Variants in COL25A1 observed in about 807,000 individuals in gnomAD.
The protein encoded by COL25A1 is collagen type XXV alpha 1 chain.
Under a neutral mutation model 128.4 loss-of-function variants are expected in COL25A1, and 103 were observed. The observed-to-expected ratio is 0.80, with a 90% CI of 0.68 to 0.94. The LOEUF (loss-of-function observed/expected upper bound fraction) is 0.94, where lower values mean the gene tolerates loss of function less well. COL25A1 is among the 40% of genes least tolerant of loss of function. The pLI, the probability that COL25A1 is intolerant of heterozygous loss-of-function variation, is 0.00. For missense variants in COL25A1, 745 were observed against 840.0 expected (o/e 0.89, Z 1.40); for synonymous variants, 279 against 277.2 (o/e 1.01, Z -0.06).
rs540808241 is a variant in COL25A1 at position 109,175,565 on chromosome 4, G to A, written c.367+125018C>T. 1.7e-3 allele frequency among the ~76,000 whole-genome samples: 265 copies of A among 152,234 alleles called. 1 individual carries two copies. Among genetic ancestry groups the A allele is most frequent in the Admixed American group, 5.0e-3 (77 of 15,280 alleles). On this transcript the variant is annotated intron_variant, in intron 3 of 37. Coordinates refer to ENST00000399132, the MANE Select transcript of COL25A1 (RefSeq NM_198721.4). The stretch of plus-strand genomic sequence containing the variant: ...CCCCTCACTGTTTTCATGATTAAAT[G>A]TTTCTCTACTGGTACATTAAGTCAA...
At chr4:109,023,585 G>A (rs981652122) in intron 5 of COL25A1, among the ~76,000 whole-genome samples, 1 of 152,158 alleles carries the variant, frequency 6.6e-6, no homozygotes, top group South Asian at 2.1e-4. Context: ...AAGTAAAGAA[G>A]TTGAGGCAGA....
chr4:109,109,634 G>A (rs1766803215), intron 3 of COL25A1, among the ~76,000 whole-genome samples: 1 of 152,170 alleles, frequency 6.6e-6, no homozygotes, highest in South Asian at 2.1e-4. Context: ...CCCTTTTACG[G>A]TTCATGGTTG....
At chr4:109,070,851 C>T (rs1365806479) in intron 3 of COL25A1, among the ~76,000 whole-genome samples, 1 of 152,102 alleles carries the variant, frequency 6.6e-6, no homozygotes, top group Admixed American at 6.6e-5. Context: ...CACGTCCCAA[C>T]AAAGGACACG....
chr4:108,923,025 A>C (rs1411838888), intron 11 of COL25A1, among the ~76,000 whole-genome samples: 3 of 152,050 alleles, frequency 2.0e-5, no homozygotes, highest in African/African-American at 4.8e-5. Context: ...GCAGACAGAC[A>C]CACACACACA....
intron 16 of COL25A1, among the ~76,000 whole-genome samples, chr4:108,891,945 G>A (rs977617136): frequency 6.6e-5 from 10 of 151,872 alleles, no homozygotes; most frequent in Admixed American, 5.9e-4. Flanking sequence ...ATATATTTGT[G>A]GAAATCTGAG....
At chr4:109,047,728 CTTTTT>C (rs59105153) in intron 5 of COL25A1, among the ~76,000 whole-genome samples, 1,676 of 132,172 alleles carry the variant, frequency 0.013, 40 homozygotes, top group Non-Finnish European at 0.019. Context: ...TAAGTATACT[CTTTTT>C]TTTTTTTTTT....
At chr4:109,245,070 C>T (rs1247431970) in intron 3 of COL25A1, among the ~76,000 whole-genome samples, 1 of 152,138 alleles carries the variant, frequency 6.6e-6, no homozygotes, top group Non-Finnish European at 1.5e-5. Context: ...AGTTCAGCTT[C>T]TGTCATAACT....
In COL25A1 at chr4:109,272,988, G is replaced by A. The variant is rs568514155; in HGVS notation, c.367+27595C>T. ...ATCCAAAAAGCAATGGTGAAGGAAT[G>A]GAGGTATTTAAGCATTATATAACAT... On this transcript the variant is annotated intron_variant, in intron 3 of 37. Coordinates refer to ENST00000399132, the MANE Select transcript of COL25A1 (RefSeq NM_198721.4). 2.6e-5 allele frequency among the ~76,000 whole-genome samples: 4 copies of A among 152,244 alleles called. No individual in the cohort carries two copies. In the East Asian group the frequency reaches 7.7e-4, roughly 29 times the overall value.
chr4:109,049,089 C>T (rs989445714), intron 4 of COL25A1, among the ~76,000 whole-genome samples: 2 of 151,972 alleles, frequency 1.3e-5, no homozygotes, highest in Admixed American at 1.3e-4. Context: ...ATGCTTTTTA[C>T]TTTTACATCT....
chr4:109,034,495 G>A (rs794146), intron 5 of COL25A1, among the ~76,000 whole-genome samples: 12 of 152,174 alleles, frequency 7.9e-5, no homozygotes, highest in African/African-American at 2.7e-4. Flanking sequence ...CATCACTGCA[G>A]AGTGGTTCTG....
chr4:109,088,115 C>A (rs1764571794), intron 3 of COL25A1, among the ~76,000 whole-genome samples: 1 of 151,496 alleles, frequency 6.6e-6, no homozygotes, highest in African/African-American at 2.4e-5. Flanking sequence ...CATAGAAAGG[C>A]ATATTTTATG....
At chr4:109,128,128 A>C (rs1768808570) in intron 3 of COL25A1, among the ~76,000 whole-genome samples, 1 of 152,188 alleles carries the variant, frequency 6.6e-6, no homozygotes, top group African/African-American at 2.4e-5. Context: ...ACAATAGCCA[A>C]GGAAGTTAGA....
chr4:108,975,347 T>C (rs1480572271), intron 6 of COL25A1, among the ~76,000 whole-genome samples: 1 of 152,164 alleles, frequency 6.6e-6, no homozygotes. Flanking sequence ...TCCCAGCTAC[T>C]TGGGAGGCTG....
Position 109,085,409 on chromosome 4 carries a change from G to A in COL25A1, c.368-35230C>T, listed in dbSNP as rs148288138. ...TCCCTTTCTCTCTTGTCTATTCTGC[G>A]ATATATCTTGCACTCATTCTTCCTT... On this transcript the variant is annotated intron_variant, in intron 3 of 37. Transcript: ENST00000399132. Among the ~76,000 whole-genome samples the A allele has an allele frequency of 2.2e-3, 331 of 152,152 alleles. 3 individuals are homozygous for A. Among genetic ancestry groups the A allele is most frequent in the African/African-American group, 7.4e-3 (305 of 41,490 alleles).
chr4:109,026,096 C>G (rs554758180), intron 5 of COL25A1, among the ~76,000 whole-genome samples: 10 of 118,654 alleles, frequency 8.4e-5, no homozygotes, highest in Admixed American at 2.3e-4. Context: ...ATATAAAACA[C>G]TTTGCACACA....
intron 3 of COL25A1, among the ~76,000 whole-genome samples, chr4:109,158,943 C>G (rs1772291669): frequency 6.6e-6 from 1 of 151,996 alleles, no homozygotes; most frequent in South Asian, 2.1e-4. Context: ...TTAATAAAGG[C>G]TTTGCCTGCC....
At chr4:109,088,585 C>T (rs1264032729) in intron 3 of COL25A1, among the ~76,000 whole-genome samples, 9 of 152,082 alleles carry the variant, frequency 5.9e-5, no homozygotes, top group Non-Finnish European at 1.0e-4. Context: ...AACACAGTGC[C>T]TATGAAGCAG....
chr4:109,271,106 C>G (rs1056512841), intron 3 of COL25A1, among the ~76,000 whole-genome samples: 2 of 152,196 alleles, frequency 1.3e-5, no homozygotes, highest in African/African-American at 4.8e-5. Flanking sequence ...CTGGCTACAC[C>G]ACTGCTGCCT....
chr4:108,963,831 A>G (rs1031511549), intron 8 of COL25A1, among the ~76,000 whole-genome samples: 11 of 151,560 alleles, frequency 7.3e-5, no homozygotes, highest in African/African-American at 2.7e-4. Flanking sequence ...TTCTCTTTCG[A>G]TTAAAATATG....
Sources: gnomAD v4.1 joint callset for allele counts (sites outside exome capture counted in the v4.1 genomes callset) on GRCh38, gnomAD v4.1.1 for gene constraint, MANE v1.5 for transcripts, NCBI Gene and HGNC (gene_info 2026-07-23, HGNC 2026-07-21) for gene names.